KCNH5: variants seen among roughly 807,000 people sequenced by gnomAD.
KCNH5 encodes voltage-gated delayed rectifier potassium channel KCNH5.
KCNH5 carries 46 observed loss-of-function variants against 96.1 expected under a neutral mutation model. That is an observed-to-expected ratio of 0.48 (90% CI 0.38 to 0.61). The LOEUF is 0.61. KCNH5 is among the 20% of genes least tolerant of loss of function. The probability of loss-of-function intolerance (pLI) is 0.00; values close to 1 mark genes in which losing one functional copy is unlikely to be tolerated. For missense variants in KCNH5, 907 were observed against 1,225.8 expected, an observed-to-expected ratio of 0.74 and a Z score of 3.88; for synonymous variants, 439 against 449.8, an observed-to-expected ratio of 0.98 and a Z score of 0.30.
chr14:62,976,242 T>C (rs1415012838), intron 6 of KCNH5, among the ~76,000 whole-genome samples: 2 of 151,184 alleles, frequency 1.3e-5, no homozygotes, highest in Non-Finnish European at 2.9e-5. Context: ...CTACTAAAAA[T>C]ACAAAAATAA....
At chr14:62,745,487 A>C (rs1374189877) in intron 10 of KCNH5, among the ~76,000 whole-genome samples, 1 of 152,232 alleles carries the variant, frequency 6.6e-6, no homozygotes, top group Non-Finnish European at 1.5e-5. Flanking sequence ...TCTGTCAACA[A>C]GTATAATATA....
intron 10 of KCNH5, among the ~76,000 whole-genome samples, chr14:62,743,094 T>C (rs564757346): frequency 6.6e-6 from 1 of 152,356 alleles, no homozygotes; most frequent in Admixed American, 6.5e-5. Context: ...TTGCCTGGCA[T>C]TTTACCCCTG....
At position 62,705,774 on chromosome 14, in the gene KCNH5, C is replaced by T. The variant is rs1252600807; in HGVS notation, c.*1734G>A. The T allele has an allele frequency of 2.6e-5, 4 of 151,982 alleles. No individual in the cohort carries two copies. The highest frequency in any genetic ancestry group is 4.4e-5 in the Non-Finnish European group (3 of 67,906). 9.4% of individuals were successfully genotyped at this position (151,982 alleles called of 1,614,324 possible). A position where few individuals can be genotyped will look rare whatever the true frequency, so the allele number is the denominator to read the frequency against. On this transcript the variant is annotated 3_prime_UTR_variant, in exon 11 of 11. Coordinates refer to ENST00000322893, the MANE Select transcript of KCNH5 (RefSeq NM_139318.5). ...ATAACATGTCTTTCAGTTCTAGTGG[C>T]TTTGGTTGGGAATACTGGGAGATAG...
intron 10 of KCNH5, among the ~76,000 whole-genome samples, chr14:62,720,899 C>A (rs1446850127): frequency 6.6e-6 from 1 of 152,140 alleles, no homozygotes; most frequent in East Asian, 1.9e-4. Context: ...CACTGTATAC[C>A]TATATACACA....
chr14:62,964,485 A>C (rs925776432), intron 6 of KCNH5, among the ~76,000 whole-genome samples: 12 of 152,058 alleles, frequency 7.9e-5, no homozygotes, highest in Non-Finnish European at 1.8e-4. Context: ...AGACACACAC[A>C]CACACACAAT....
chr14:62,754,735 C>A (rs1885581465), intron 10 of KCNH5, among the ~76,000 whole-genome samples: 1 of 151,504 alleles, frequency 6.6e-6, no homozygotes, highest in Admixed American at 6.6e-5. Context: ...AATAGTCAAG[C>A]ATGGGGGTGT....
At chr14:63,027,172 G>T (rs1891538659) in intron 1 of KCNH5, among the ~76,000 whole-genome samples, 1 of 151,930 alleles carries the variant, frequency 6.6e-6, no homozygotes, top group African/African-American at 2.4e-5. Flanking sequence ...AGAGAAAAAT[G>T]GTGGCTACCA....
At chr14:62,866,972 T>C (rs1888146249) in intron 7 of KCNH5, among the ~76,000 whole-genome samples, 1 of 152,178 alleles carries the variant, frequency 6.6e-6, no homozygotes. Context: ...ACTCAGTATT[T>C]TAACAGTAAC....
chr14:62,880,037 CT>C (rs1462889322), intron 7 of KCNH5, among the ~76,000 whole-genome samples: 1 of 152,090 alleles, frequency 6.6e-6, no homozygotes, highest in Non-Finnish European at 1.5e-5. Flanking sequence ...AAAAAATATA[CT>C]TTTAATTTTT....
At chr14:62,903,953 A>G (rs1488404142) in intron 7 of KCNH5, among the ~76,000 whole-genome samples, 1 of 152,014 alleles carries the variant, frequency 6.6e-6, no homozygotes, top group Non-Finnish European at 1.5e-5. Context: ...GTCACACGCT[A>G]TTTTCTTAAA....
At chr14:62,772,545 G>A (rs575642757) in intron 10 of KCNH5, among the ~76,000 whole-genome samples, 3 of 151,078 alleles carry the variant, frequency 2.0e-5, no homozygotes, top group African/African-American at 7.3e-5. Context: ...GCTGAGGCAG[G>A]AGAATTGCTT....
chr14:62,988,709 G>T (rs1471206765), intron 4 of KCNH5, among the ~76,000 whole-genome samples: 3 of 151,950 alleles, frequency 2.0e-5, no homozygotes, highest in Admixed American at 6.6e-5. Context: ...AAAAAAAAGG[G>T]TATTAGATAT....
At chr14:62,869,560 T>C (rs1888208393) in intron 7 of KCNH5, among the ~76,000 whole-genome samples, 1 of 152,222 alleles carries the variant, frequency 6.6e-6, no homozygotes, top group Non-Finnish European at 1.5e-5. Flanking sequence ...ATTTTGGCTT[T>C]TGTTGCCATT....
At chr14:62,849,303 C>A (rs915544160) in intron 8 of KCNH5, among the ~76,000 whole-genome samples, 10 of 152,086 alleles carry the variant, frequency 6.6e-5, no homozygotes, top group Admixed American at 2.0e-4. Context: ...AAGGGAAAAT[C>A]AAGAATAAAT....
At chr14:63,005,425 A>G (rs1482575379) in intron 3 of KCNH5, among the ~76,000 whole-genome samples, 2 of 152,222 alleles carry the variant, frequency 1.3e-5, no homozygotes, top group African/African-American at 2.4e-5. Context: ...ACAAGATCCA[A>G]CAGGCACTGA....
intron 8 of KCNH5, among the ~76,000 whole-genome samples, chr14:62,847,062 A>C (rs1887713331): frequency 6.7e-6 from 1 of 148,844 alleles, no homozygotes; most frequent in Non-Finnish European, 1.5e-5. Context: ...GGCCTCCCAA[A>C]GTGCTGGGAT....
At chr14:62,716,929 G>A (rs2139908903) in intron 10 of KCNH5, among the ~76,000 whole-genome samples, 1 of 152,216 alleles carries the variant, frequency 6.6e-6, no homozygotes, top group South Asian at 2.1e-4. Context: ...TGCTAGAATG[G>A]ATAAAGGAGT....
At chr14:63,013,198 G>A (rs1891261783) in intron 2 of KCNH5, among the ~76,000 whole-genome samples, 1 of 151,894 alleles carries the variant, frequency 6.6e-6, no homozygotes, top group Non-Finnish European at 1.5e-5. Flanking sequence ...ACAAATTAAT[G>A]TGTTTTTATT....
At chr14:62,822,289 T>C (rs180790516) in intron 8 of KCNH5, among the ~76,000 whole-genome samples, 3 of 152,194 alleles carry the variant, frequency 2.0e-5, no homozygotes, top group East Asian at 3.9e-4. Context: ...AATTCATACA[T>C]TAAGGCACTA....
Sources: allele counts gnomAD v4.1 joint callset (sites outside exome capture counted in the v4.1 genomes callset), GRCh38; gene constraint gnomAD v4.1.1; transcripts MANE v1.5; gene names NCBI Gene and HGNC (gene_info 2026-07-23, HGNC 2026-07-21).